GLRA1: variants seen among roughly 807,000 people sequenced by gnomAD.
GLRA1 encodes the protein glycine receptor alpha 1.
Under a neutral mutation model 48.3 loss-of-function variants are expected in GLRA1, and 37 were observed. The observed-to-expected ratio is 0.77, with a 90% CI of 0.59 to 1.01. The LOEUF (loss-of-function observed/expected upper bound fraction) is 1.01, where lower values mean the gene tolerates loss of function less well. Among genes scored for constraint, GLRA1 ranks in the 50% least tolerant of loss-of-function variants. The pLI, the probability that GLRA1 is intolerant of heterozygous loss-of-function variation, is 0.00. For synonymous variants in GLRA1, 196 were observed against 210.7 expected (o/e 0.93, Z 0.60); for missense variants, 427 against 571.0 (o/e 0.75, Z 2.57).
At chr5:151,830,169 G>A (rs148620977) in intron 7 of GLRA1, among the ~76,000 whole-genome samples, 43 of 152,346 alleles carry the variant, frequency 2.8e-4, no homozygotes, top group African/African-American at 9.6e-4. Flanking sequence ...ATTGGATGGA[G>A]CAGAACACAG....
chr5:151,898,213 C>CTTTT (rs75340537), intron 1 of GLRA1, among the ~76,000 whole-genome samples: 1 of 146,002 alleles, frequency 6.8e-6, no homozygotes. Context: ...AATATTCCTT[C>CTTTT]TTTTTTTTTT....
rs115516178 is a variant in GLRA1, at chr5:151,849,843, C to T, written c.912+1547G>A. ...TCCTGGGATTACAGGCATGAGCCAC[C>T]ATGCCTAGCCTAGAATTTTGATGGC... is the stretch of plus-strand genomic sequence containing the variant. On this transcript the variant is annotated intron_variant, in intron 7 of 8. Coordinates refer to ENST00000274576, the MANE Select transcript of GLRA1 (RefSeq NM_000171.4). The T allele has an allele frequency of 5.5e-4, 744 of 1,358,132 alleles. 3 individuals are homozygous for T. In the African/African-American group the frequency reaches 0.01, roughly 19 times the overall value. 84.1% of individuals were successfully genotyped at this position (1,358,132 alleles called of 1,614,324 possible). A position where few individuals can be genotyped will look rare whatever the true frequency, so the allele number is the denominator to read the frequency against.
chr5:151,844,784 T>C (rs1050985298), intron 7 of GLRA1, among the ~76,000 whole-genome samples: 1 of 152,038 alleles, frequency 6.6e-6, no homozygotes, highest in African/African-American at 2.4e-5. Flanking sequence ...TTAGTCCATT[T>C]TGTGTTACTT....
At chr5:151,901,526 C>T (rs952856016) in intron 1 of GLRA1, among the ~76,000 whole-genome samples, 1 of 152,218 alleles carries the variant, frequency 6.6e-6, no homozygotes, top group African/African-American at 2.4e-5. Flanking sequence ...GACAGAAGAG[C>T]AAATGGCTCT....
rs527507140 is a variant in GLRA1, at chr5:151,822,985, G to C, written c.1060-22C>G. ...CCTCCTGGAATAGATTCAACATGGG[G>C]CTCTACTTAAAATAAGACAGGGGCT... On this transcript the variant is annotated intron_variant, in intron 8 of 8. Transcript: ENST00000274576. 1.9e-5 allele frequency: 30 copies of C among 1,575,606 alleles called. No individual in the cohort carries two copies. The South Asian group carries it at 3.2e-4, about 17-fold the overall frequency.
intron 7 of GLRA1, chr5:151,849,028 C>A: frequency 1.6e-6 from 1 of 615,164 alleles, no homozygotes; most frequent in East Asian, 3.0e-5. Context: ...AGACTCTGGA[C>A]AGTGAGCCCA....
intron 8 of GLRA1, among the ~76,000 whole-genome samples, chr5:151,825,677 G>A (rs1340426400): frequency 6.6e-6 from 1 of 152,228 alleles, no homozygotes; most frequent in Non-Finnish European, 1.5e-5. Flanking sequence ...GGTGCTCACA[G>A]ATATGGTTTC....
At chr5:151,884,453 A>C (rs374313293) in intron 3 of GLRA1, among the ~76,000 whole-genome samples, 1 of 39,300 alleles carries the variant, frequency 2.5e-5, no homozygotes. Context: ...CAAAACAAAA[A>C]AACCCATTTT....
At chr5:151,849,200 T>TC (rs1752798917) in intron 7 of GLRA1, 3 of 111,880 alleles carry the variant, frequency 2.7e-5, no homozygotes, top group African/African-American at 1.2e-4. Flanking sequence ...TTCTTTCTTT[T>TC]CTTTCTTTCC....
chr5:151,907,076 G>A (rs770040169), intron 1 of GLRA1, among the ~76,000 whole-genome samples: 4 of 152,146 alleles, frequency 2.6e-5, no homozygotes, highest in Non-Finnish European at 5.9e-5. Context: ...GCTGAGGAGT[G>A]GGCTGGAACT....
intron 7 of GLRA1, 140 bp downstream of exon 7, chr5:151,851,250 G>A: frequency 1.5e-6 from 1 of 678,702 alleles, no homozygotes; most frequent in Non-Finnish European, 2.7e-6. Context: ...AACCTGCAAA[G>A]ATCTGCAGGA....
At chr5:151,883,420 C>T (rs111682858) in intron 3 of GLRA1, among the ~76,000 whole-genome samples, 6 of 123,982 alleles carry the variant, frequency 4.8e-5, no homozygotes, top group African/African-American at 1.8e-4. Context: ...CAGTGTGGCA[C>T]AGAACAAACA....
At chr5:151,904,195 C>T (rs114084974) in intron 1 of GLRA1, among the ~76,000 whole-genome samples, 61 of 152,290 alleles carry the variant, frequency 4.0e-4, no homozygotes, top group African/African-American at 1.4e-3. Flanking sequence ...TAAAGGAGCT[C>T]TAGGGTCGTT....
chr5:151,883,572 C>G (rs551757187), intron 3 of GLRA1, among the ~76,000 whole-genome samples: 1 of 152,324 alleles, frequency 6.6e-6, no homozygotes, highest in Non-Finnish European at 1.5e-5. Flanking sequence ...GGTTGTAAGA[C>G]TACACACGTG....
At chr5:151,922,476 C>G (rs1273207277) in intron 1 of GLRA1, among the ~76,000 whole-genome samples, 1 of 152,210 alleles carries the variant, frequency 6.6e-6, no homozygotes, top group Non-Finnish European at 1.5e-5. Flanking sequence ...ATTTACTCCC[C>G]TAATGAAGTA....
rs760703064 is a variant in GLRA1 at position 151,822,794 on chromosome 5, T to G, written c.1229A>C (p.Gln410Pro). The G allele has an allele frequency of 1.4e-5, 23 of 1,613,992 alleles. 1 individual carries two copies. In the Admixed American group the frequency reaches 3.7e-4, roughly 26 times the overall value. The change falls in exon 9 of 9, where the codon CAG becomes CCG. Residue 410 changes from glutamine to proline, a missense_variant. This residue lies in a region of GLRA1 where 121 missense variants were observed against 96.5 expected (regional missense o/e 1.25). Transcript: ENST00000274576. ...TATTTTGTCGATCTTCTTGGCCCTC[T>G]GGATGAAGAGTTTTCGCATCTCCTC... Reference protein sequence around the residue: ...SPEEMRKLFIQRAKKIDKISR... With the variant: ...SPEEMRKLFIPRAKKIDKISR...
At chr5:151,845,356 A>G (rs1191514882) in intron 7 of GLRA1, among the ~76,000 whole-genome samples, 3 of 152,264 alleles carry the variant, frequency 2.0e-5, no homozygotes, top group Non-Finnish European at 4.4e-5. Context: ...ATAAAGAACT[A>G]TTACAACTCA....
chr5:151,839,557 G>A (rs893502170), intron 7 of GLRA1, among the ~76,000 whole-genome samples: 6 of 152,156 alleles, frequency 3.9e-5, no homozygotes, highest in Non-Finnish European at 5.9e-5. Flanking sequence ...CTGAATATTT[G>A]TGTGCCCCTA....
intron 2 of GLRA1, 98 bp from the exon 3 acceptor site, chr5:151,886,886 C>T: frequency 2.2e-6 from 2 of 901,346 alleles, no homozygotes; most frequent in South Asian, 1.3e-5. Context: ...AATGGATCGC[C>T]TTTGGTGGAG....
Sources: allele counts gnomAD v4.1 joint callset (sites outside exome capture counted in the v4.1 genomes callset), GRCh38; gene constraint gnomAD v4.1.1; regional missense constraint gnomAD v4.1.1; transcripts MANE v1.5; gene names NCBI Gene and HGNC (gene_info 2026-07-23, HGNC 2026-07-21).